Variants in STXBP5L observed in about 807,000 individuals in gnomAD.
The protein encoded by STXBP5L is syntaxin-binding protein 5-like.
STXBP5L carries 65 observed loss-of-function variants against 144.5 expected under a neutral mutation model. The observed-to-expected ratio is 0.45, with a 90% CI of 0.37 to 0.55. The LOEUF (loss-of-function observed/expected upper bound fraction) is 0.55. Among genes scored for constraint, STXBP5L ranks in the 20% least tolerant of loss-of-function variants. The pLI is 0.00. For missense variants in STXBP5L, 1,298 were observed against 1,405.5 expected (o/e 0.92, Z 1.22); for synonymous variants, 505 against 469.6 (o/e 1.08, Z -0.97).
At chr3:121,169,630 G>A (rs894288902) in intron 9 of STXBP5L, among the ~76,000 whole-genome samples, 1 of 152,128 alleles carries the variant, frequency 6.6e-6, no homozygotes, top group African/African-American at 2.4e-5. Context: ...AGGAATCAAT[G>A]CAACAAGAAG....
chr3:121,402,602 C>A (rs907840603), intron 22 of STXBP5L, among the ~76,000 whole-genome samples: 4 of 152,190 alleles, frequency 2.6e-5, no homozygotes, highest in Admixed American at 2.6e-4. Flanking sequence ...TGATTAAATT[C>A]AACTCTACCT....
At chr3:121,201,043 A>T (rs1196792155) in intron 9 of STXBP5L, among the ~76,000 whole-genome samples, 1 of 151,936 alleles carries the variant, frequency 6.6e-6, no homozygotes, top group African/African-American at 2.4e-5. Flanking sequence ...ATCCTTGTTA[A>T]TTTTCTGTCT....
In STXBP5L at chr3:121,386,703, C is replaced by T. The variant is rs149350593; in HGVS notation, c.2587+5171C>T. 3.1e-3 allele frequency among the ~76,000 whole-genome samples: 471 copies of T among 152,254 alleles called. 4 individuals are homozygous for T. Among genetic ancestry groups the T allele is most frequent in the African/African-American group, 0.011 (446 of 41,538 alleles). On this transcript the variant is annotated intron_variant, in intron 22 of 26. Transcript: ENST00000471454. ...GTTTGCTGAGAATGATGGTTTCCAG[C>T]TTCATCAATGTCCCTGCAAAGGACA... is the stretch of plus-strand genomic sequence containing the variant.
chr3:120,950,836 A>C (rs1344190994), intron 2 of STXBP5L, among the ~76,000 whole-genome samples: 1 of 151,944 alleles, frequency 6.6e-6, no homozygotes, highest in African/African-American at 2.4e-5. Context: ...AAAAAGAGCC[A>C]GCATCGCCAA....
chr3:121,355,461 T>C (rs2045472324), intron 20 of STXBP5L, among the ~76,000 whole-genome samples: 1 of 152,204 alleles, frequency 6.6e-6, no homozygotes, highest in Admixed American at 6.5e-5. Flanking sequence ...ATACCCTTTC[T>C]TCCACTTGAT....
intron 19 of STXBP5L, among the ~76,000 whole-genome samples, chr3:121,290,166 C>T (rs2051376623): frequency 6.6e-6 from 1 of 151,692 alleles, no homozygotes. Flanking sequence ...TGATATTAAC[C>T]AAGAAAAGAA....
At chr3:121,179,217 A>G (rs1206748019) in intron 9 of STXBP5L, among the ~76,000 whole-genome samples, 1 of 152,150 alleles carries the variant, frequency 6.6e-6, no homozygotes, top group East Asian at 1.9e-4. Flanking sequence ...TGCCATTCCA[A>G]TTCCATAGGA....
intron 19 of STXBP5L, chr3:121,282,274 T>C: frequency 6.2e-7 from 1 of 1,611,950 alleles, no homozygotes; most frequent in Non-Finnish European, 8.5e-7. Flanking sequence ...AGACAACTTT[T>C]GCATGCGTGG....
At chr3:121,314,994 G>A (rs1480402866) in intron 19 of STXBP5L, among the ~76,000 whole-genome samples, 4 of 152,158 alleles carry the variant, frequency 2.6e-5, no homozygotes, top group Non-Finnish European at 5.9e-5. Context: ...AACAGGTGCT[G>A]GAGAGGATGT....
chr3:121,269,353 G>A (rs1398277683), intron 18 of STXBP5L, among the ~76,000 whole-genome samples: 1 of 152,180 alleles, frequency 6.6e-6, no homozygotes, highest in East Asian at 1.9e-4. Context: ...GTCAGAAACT[G>A]TGAAGGGTCT....
chr3:121,060,029 A>T (rs2041185088), intron 5 of STXBP5L, among the ~76,000 whole-genome samples: 1 of 152,132 alleles, frequency 6.6e-6, no homozygotes, highest in Admixed American at 6.5e-5. Context: ...GTGGTGAGAG[A>T]GGGCATCCTT....
At chr3:121,036,721 A>G (rs1431799117) in intron 3 of STXBP5L, among the ~76,000 whole-genome samples, 1 of 150,732 alleles carries the variant, frequency 6.6e-6, no homozygotes, top group Admixed American at 6.6e-5. Flanking sequence ...TTCTGTATCT[A>G]TCAAAATGAT....
At chr3:120,951,491 G>A (rs572423780) in intron 2 of STXBP5L, among the ~76,000 whole-genome samples, 112 of 151,852 alleles carry the variant, frequency 7.4e-4, no homozygotes, top group South Asian at 3.3e-3. Context: ...AAAAGTGGGC[G>A]AAGGACATGA....
At position 121,073,326 on chromosome 3, in the gene STXBP5L, A is replaced by G. The variant is rs1481732376; in HGVS notation, c.470+27791A>G. Among the ~76,000 whole-genome samples, 4 of 152,336 alleles carry G rather than the reference A, an allele frequency of 2.6e-5. No homozygotes were observed. The East Asian group carries it at 7.7e-4, about 29-fold the overall frequency. ...ACACAAAAGCCCTTGATATCTTAAC[A>G]TCTTAGGGTTAGATAGCCAGTGATG... On this transcript the variant is annotated intron_variant, in intron 5 of 26. Coordinates refer to ENST00000471454, the MANE Select transcript of STXBP5L (RefSeq NM_001308330.2).
At chr3:120,996,355 GT>G (rs1306176055) in intron 3 of STXBP5L, among the ~76,000 whole-genome samples, 1 of 151,862 alleles carries the variant, frequency 6.6e-6, no homozygotes, top group African/African-American at 2.4e-5. Context: ...TTAATATAAT[GT>G]ATATTTAAGG....
intron 22 of STXBP5L, among the ~76,000 whole-genome samples, chr3:121,391,988 T>G (rs4358243): frequency 0.79 from 120,234 of 152,146 alleles, 47,652 homozygotes; most frequent in East Asian, 0.89. Context: ...GCTGCCTTTT[T>G]TTCAGCTATG....
intron 20 of STXBP5L, among the ~76,000 whole-genome samples, chr3:121,360,788 C>T (rs1475699695): frequency 6.6e-6 from 1 of 151,998 alleles, no homozygotes; most frequent in Non-Finnish European, 1.5e-5. Context: ...ATTGTTTCAT[C>T]ATTTAGTCTT....
At chr3:121,125,071 G>T (rs1253859310) in intron 7 of STXBP5L, among the ~76,000 whole-genome samples, 1 of 151,980 alleles carries the variant, frequency 6.6e-6, no homozygotes, top group African/African-American at 2.4e-5. Flanking sequence ...AAACATATTT[G>T]TATTTCTGGG....
chr3:121,020,693 T>C (rs1945486670), intron 3 of STXBP5L, among the ~76,000 whole-genome samples: 1 of 152,112 alleles, frequency 6.6e-6, no homozygotes, highest in Non-Finnish European at 1.5e-5. Flanking sequence ...ATACAGTCTT[T>C]TTCAGACAAA....
Sources: allele counts gnomAD v4.1 joint callset (sites outside exome capture counted in the v4.1 genomes callset), GRCh38; gene constraint gnomAD v4.1.1; transcripts MANE v1.5; gene names NCBI Gene and HGNC (gene_info 2026-07-23, HGNC 2026-07-21).